SORCS1: variants seen among roughly 807,000 people sequenced by gnomAD.
SORCS1 encodes sortilin related VPS10 domain containing receptor 1.
A neutral mutation model predicts 146.1 loss-of-function variants in SORCS1; 60 were observed. The ratio of observed to expected loss-of-function variants is 0.41; its 90% CI spans 0.33 to 0.51. The LOEUF is 0.51. Ranked by LOEUF, SORCS1 falls within the 20% of genes least tolerant of loss-of-function variation. The pLI, the probability that SORCS1 is intolerant of heterozygous loss-of-function variation, is 0.21. For missense variants in SORCS1, 1,352 were observed against 1,487.6 expected, an observed-to-expected ratio of 0.91 and a Z score of 1.50; for synonymous variants, 637 against 584.0, an observed-to-expected ratio of 1.09 and a Z score of -1.31.
chr10:107,098,904 C>T (rs1282151171), intron 1 of SORCS1, among the ~76,000 whole-genome samples: 3 of 152,144 alleles, frequency 2.0e-5, no homozygotes, highest in Non-Finnish European at 2.9e-5. Flanking sequence ...AAATGGCAGA[C>T]ATAGGACCAG....
intron 2 of SORCS1, among the ~76,000 whole-genome samples, chr10:106,831,756 G>A (rs1486092362): frequency 2.6e-5 from 4 of 151,920 alleles, no homozygotes; most frequent in Non-Finnish European, 5.9e-5. Context: ...ATGGCAAACA[G>A]AAAACGGTCA....
In SORCS1 at chr10:106,671,333, T is replaced by G; in HGVS notation, c.2093A>C (p.Tyr698Ser). Residue 698 changes from tyrosine to serine, a missense_variant, in exon 16 of 26, where the codon TAT becomes TCT. Physicochemically the swap from Tyr to Ser is moderately radical, Grantham distance 144. This residue lies in a region of SORCS1 where 648 missense variants were observed against 793.8 expected (regional missense o/e 0.82). Transcript: ENST00000263054. ...CTTCCGCTCTGATTTTCGCTTCTTA[T>G]ATATCCTTTTTGCTCCCATGATACA... is the stretch of plus-strand genomic sequence containing the variant. ...EACIMGAKRI[Y>S]KKRKSERKCM... The G allele has an allele frequency of 1.9e-6, 3 of 1,614,154 alleles. No homozygotes were observed. Among genetic ancestry groups the G allele is most frequent in the Non-Finnish European group, 2.5e-6 (3 of 1,179,990 alleles).
intron 5 of SORCS1, among the ~76,000 whole-genome samples, chr10:106,737,417 T>C (rs1348574273): frequency 1.4e-5 from 2 of 140,490 alleles, no homozygotes; most frequent in Admixed American, 7.9e-5. Flanking sequence ...TTTGTCTTTG[T>C]TGTTTCTTAA....
At chr10:106,666,268 C>T (rs2135422354) in intron 17 of SORCS1, among the ~76,000 whole-genome samples, 1 of 152,350 alleles carries the variant, frequency 6.6e-6, no homozygotes, top group Middle Eastern at 3.4e-3. Context: ...TGACAGTTCC[C>T]AAAGTAAGAG....
At chr10:106,990,654 C>T (rs997615937) in intron 1 of SORCS1, among the ~76,000 whole-genome samples, 11 of 152,298 alleles carry the variant, frequency 7.2e-5, no homozygotes, top group Middle Eastern at 3.4e-3. Context: ...GGGGACCAAA[C>T]GTTTGTAATT....
chr10:106,673,691 T>C (rs1851787708), intron 14 of SORCS1, among the ~76,000 whole-genome samples: 1 of 152,208 alleles, frequency 6.6e-6, no homozygotes, highest in Non-Finnish European at 1.5e-5. Context: ...ATAGTTCCCA[T>C]GGTTTCCATG....
chr10:106,660,819 G>A (rs1589598193), intron 17 of SORCS1, among the ~76,000 whole-genome samples: 1 of 151,260 alleles, frequency 6.6e-6, no homozygotes, highest in South Asian at 2.1e-4. Flanking sequence ...AACTGTCTTT[G>A]TACCTTCTTC....
At chr10:107,144,848 G>T (rs868609719) in intron 1 of SORCS1, among the ~76,000 whole-genome samples, 1 of 152,190 alleles carries the variant, frequency 6.6e-6, no homozygotes, top group African/African-American at 2.4e-5. Flanking sequence ...TTTGCATTCC[G>T]TCACTTGCCT....
intron 1 of SORCS1, among the ~76,000 whole-genome samples, chr10:106,962,127 T>C (rs937539420): frequency 4.6e-5 from 7 of 151,840 alleles, no homozygotes; most frequent in Non-Finnish European, 7.4e-5. Context: ...GGGCTGGGCG[T>C]GGTGGCTCAT....
intron 1 of SORCS1, among the ~76,000 whole-genome samples, chr10:106,984,001 A>G (rs1331451405): frequency 6.6e-6 from 1 of 152,212 alleles, no homozygotes; most frequent in Non-Finnish European, 1.5e-5. Context: ...TTTAAAGAAA[A>G]GCCAGTTATT....
chr10:107,133,500 C>G (rs1377024309), intron 1 of SORCS1, among the ~76,000 whole-genome samples: 1 of 152,084 alleles, frequency 6.6e-6, no homozygotes, highest in African/African-American at 2.4e-5. Context: ...TTTCTGAAGC[C>G]TTTCAATATC....
chr10:106,844,306 C>A (rs970265344), intron 2 of SORCS1, among the ~76,000 whole-genome samples: 1 of 151,936 alleles, frequency 6.6e-6, no homozygotes, highest in African/African-American at 2.4e-5. Context: ...TATGCAGAAA[C>A]TTTTTTGATT....
intron 24 of SORCS1, among the ~76,000 whole-genome samples, chr10:106,589,173 TAC>T (rs1007560269): frequency 2.0e-5 from 3 of 152,216 alleles, no homozygotes; most frequent in African/African-American, 7.2e-5. Context: ...ATTTGCCCAG[TAC>T]ATAACTTACG....
At chr10:106,923,447 A>G (rs1434390292) in intron 2 of SORCS1, among the ~76,000 whole-genome samples, 1 of 152,236 alleles carries the variant, frequency 6.6e-6, no homozygotes, top group Non-Finnish European at 1.5e-5. Context: ...CTTTGTGTGA[A>G]TATATAAGTT....
intron 3 of SORCS1, among the ~76,000 whole-genome samples, chr10:106,813,382 C>T (rs1166979073): frequency 6.6e-6 from 1 of 152,012 alleles, no homozygotes; most frequent in Non-Finnish European, 1.5e-5. Context: ...TCCTACCTAC[C>T]TCGGCCTCCC....
chr10:107,043,700 T>C lies in SORCS1; in HGVS notation c.559-87120A>G, dbSNP rs17121956. Among the ~76,000 whole-genome samples the C allele has an allele frequency of 9.4e-3, 1,437 of 152,172 alleles. 22 individuals carry two copies. The highest frequency in any genetic ancestry group is 0.033 in the African/African-American group (1,354 of 41,500). ...CACAATCTGGCCCTGTCCTATCCCT[T>C]CAGCCTCAAGTTTCACCACCACCAG... On this transcript the variant is annotated intron_variant, in intron 1 of 25. Coordinates refer to ENST00000263054, the MANE Select transcript of SORCS1 (RefSeq NM_052918.5).
At position 106,960,674 on chromosome 10, in the gene SORCS1, T is replaced by A; in HGVS notation, c.559-4094A>T. 6.6e-6 allele frequency among the ~76,000 whole-genome samples: 1 copy of A among 152,164 alleles called. No homozygotes were observed. The highest frequency in any genetic ancestry group is 1.9e-4 in the East Asian group (1 of 5,192). ...ACTCAGCCTCCCAAAGTGCTGGGAT[T>A]ACAGGCGTGAGCCACTGCGCCCAGC... On this transcript the variant is annotated intron_variant, in intron 1 of 25. Transcript: ENST00000263054. This position sits in a 1 kb window ranked among gnomAD's most constrained non-coding sequence, Gnocchi z 4.4.
chr10:106,666,361 T>C (rs1465382120), intron 17 of SORCS1, among the ~76,000 whole-genome samples: 1 of 152,180 alleles, frequency 6.6e-6, no homozygotes, highest in Non-Finnish European at 1.5e-5. Context: ...AGATAGGCTC[T>C]TCCTGGGTCT....
At chr10:106,596,906 C>T (rs1034410971) in intron 24 of SORCS1, among the ~76,000 whole-genome samples, 9 of 152,034 alleles carry the variant, frequency 5.9e-5, no homozygotes, top group Admixed American at 1.3e-4. Context: ...GGTTGGAGTG[C>T]GGTGGCGTGA....
Sources: allele counts gnomAD v4.1 joint callset (sites outside exome capture counted in the v4.1 genomes callset), GRCh38; gene constraint gnomAD v4.1.1; regional missense constraint gnomAD v4.1.1; non-coding constraint Gnocchi (gnomAD v3.1); transcripts MANE v1.5; gene names NCBI Gene and HGNC (gene_info 2026-07-23, HGNC 2026-07-21).